Variants in PTK7 observed in about 807,000 individuals in gnomAD.
The protein encoded by PTK7 is inactive tyrosine-protein kinase 7.
In PTK7, 39 loss-of-function variants were observed where a neutral mutation model predicts 116.6. The ratio of observed to expected loss-of-function variants is 0.33; its 90% confidence interval spans 0.26 to 0.44. PTK7 has a LOEUF of 0.44. Among genes scored for constraint, PTK7 ranks in the 20% least tolerant of loss-of-function variants. The pLI is 1.00. For missense variants in PTK7, 1,169 were observed against 1,425.6 expected, an observed-to-expected ratio of 0.82 and a Z score of 2.90; for synonymous variants, 546 against 563.6, an observed-to-expected ratio of 0.97 and a Z score of 0.44.
intron 1 of PTK7, among the ~76,000 whole-genome samples, chr6:43,081,467 C>G (rs1177432398): frequency 2.0e-5 from 3 of 152,114 alleles, no homozygotes; most frequent in Non-Finnish European, 4.4e-5. Context: ...GGCATTGGCA[C>G]GATCTTGGTT....
intron 16 of PTK7, 27 bp from the exon 17 acceptor site, chr6:43,146,591 G>C (rs1770743765): frequency 5.6e-6 from 9 of 1,604,028 alleles, no homozygotes; most frequent in Middle Eastern, 1.7e-4. Context: ...GCACTGACCT[G>C]AGCGAGATGC....
intron 1 of PTK7, among the ~76,000 whole-genome samples, chr6:43,087,342 C>T (rs542677670): frequency 6.6e-6 from 1 of 152,284 alleles, no homozygotes; most frequent in South Asian, 2.1e-4. Context: ...GAAGAGTGGG[C>T]CGCAGAGTTT....
At position 43,129,419 on chromosome 6, in the gene PTK7, A is replaced by G; in HGVS notation, c.367+155A>G. Reference sequence around the variant, plus strand: ...AGCTTTTTTTGCTCATGTGGATAAGAGGAAATTAAAAGTTATATTTTTTCC... The same window carrying G: ...AGCTTTTTTTGCTCATGTGGATAAGGGGAAATTAAAAGTTATATTTTTTCC... On this transcript the variant is annotated intron_variant, in intron 2 of 19. Coordinates refer to ENST00000230419, the MANE Select transcript of PTK7 (RefSeq NM_002821.5). This position sits in a 1 kb window ranked among gnomAD's most constrained non-coding sequence, Gnocchi z 4.5. The G allele has an allele frequency of 1.9e-6, 2 of 1,074,282 alleles. No homozygotes were observed. The highest frequency in any genetic ancestry group is 1.3e-6 in the Non-Finnish European group (1 of 758,208). 66.5% of individuals were successfully genotyped at this position (1,074,282 alleles called of 1,614,324 possible).
intron 1 of PTK7, among the ~76,000 whole-genome samples, chr6:43,110,251 A>G (rs1023061167): frequency 1.3e-5 from 2 of 151,824 alleles, no homozygotes; most frequent in Non-Finnish European, 1.5e-5. Context: ...CAGCTTTCCA[A>G]AGTGCTGGGA....
chr6:43,106,245 A>C (rs921194124), intron 1 of PTK7, among the ~76,000 whole-genome samples: 1 of 151,910 alleles, frequency 6.6e-6, no homozygotes, highest in Admixed American at 6.6e-5. Context: ...GAGTTCTCTG[A>C]TCATGCCTGG....
intron 1 of PTK7, among the ~76,000 whole-genome samples, chr6:43,095,222 G>C (rs373897402): frequency 8.5e-6 from 1 of 117,248 alleles, no homozygotes; most frequent in Non-Finnish European, 1.7e-5. Context: ...AAAAAAAAAA[G>C]TTAGCCAGGT....
chr6:43,155,870 T>C (rs968877747), intron 17 of PTK7, among the ~76,000 whole-genome samples: 1 of 152,158 alleles, frequency 6.6e-6, no homozygotes, highest in Admixed American at 6.5e-5. Context: ...TGTACACTTA[T>C]AAAAGTGTTC....
chr6:43,146,611 C>G lies in PTK7; in HGVS notation c.2641-7C>G, dbSNP rs1274388485. 8 of 1,613,112 alleles carry G rather than the reference C, an allele frequency of 5.0e-6. No individual in the cohort carries two copies. The highest frequency in any genetic ancestry group is 1.3e-5 in the African/African-American group (1 of 74,862). ...GACCTGAGCGAGATGCCTGGCTTTTCCCTTAGGGAGACCTCAAGCAGTTCC... is the reference window on the plus strand; with the variant it reads ...GACCTGAGCGAGATGCCTGGCTTTTGCCTTAGGGAGACCTCAAGCAGTTCC... On this transcript the variant is annotated splice_region_variant and splice_polypyrimidine_tract_variant and intron_variant, in intron 16 of 19. Coordinates refer to ENST00000230419, the MANE Select transcript of PTK7 (RefSeq NM_002821.5).
rs191673988 is a variant in PTK7, at chr6:43,147,352, C to T, written c.2721+654C>T. On this transcript the variant is annotated intron_variant, in intron 17 of 19. Transcript: ENST00000230419. Reference sequence around the variant, plus strand: ...AAGCTTGCCTGCTACCCCCTGCCACCTCAGTCCATACCTTTCCAGTGCCTG... The same window carrying T: ...AAGCTTGCCTGCTACCCCCTGCCACTTCAGTCCATACCTTTCCAGTGCCTG... Among the ~76,000 whole-genome samples, 280 of 152,348 alleles carry T rather than the reference C, an allele frequency of 1.8e-3. 1 individual carries two copies. The highest frequency in any genetic ancestry group is 6.4e-3 in the African/African-American group (268 of 41,564).
chr6:43,115,947 A>AAAAGG lies in PTK7; in HGVS notation c.80-13030_80-13029insAAAGG, dbSNP rs577047547. ...CATCTCAAAAAAAAAAAAAAAAAAA[A>AAAAGG]GGCAGTGGGCCCTGTGCAAAATCCT... On this transcript the variant is annotated intron_variant, in intron 1 of 19. Transcript: ENST00000230419. 1.7e-3 allele frequency among the ~76,000 whole-genome samples: 217 copies of AAAAGG among 128,388 alleles called. 8 individuals carry two copies. The highest frequency in any genetic ancestry group is 3.4e-3 in the African/African-American group (108 of 31,996). 84.2% of individuals were successfully genotyped at this position (128,388 alleles called of 152,430 possible).
At chr6:43,121,056 GTTTTTTTTTTT>G (rs564738874) in intron 1 of PTK7, among the ~76,000 whole-genome samples, 3 of 119,724 alleles carry the variant, frequency 2.5e-5, no homozygotes, top group Non-Finnish European at 5.2e-5. Flanking sequence ...CCATGTTTCT[GTTTTTTTTTTT>G]TTTTTTTTTG....
chr6:43,116,510 T>G (rs1419481143), intron 1 of PTK7, among the ~76,000 whole-genome samples: 2 of 152,144 alleles, frequency 1.3e-5, no homozygotes, highest in African/African-American at 4.8e-5. Context: ...ATGAGACTGA[T>G]TCTTTCTCTT....
At chr6:43,102,199 C>T (rs773115936) in intron 1 of PTK7, among the ~76,000 whole-genome samples, 1 of 152,016 alleles carries the variant, frequency 6.6e-6, no homozygotes, top group African/African-American at 2.4e-5. Flanking sequence ...CCGAGGTGGG[C>T]GGATCACCTG....
rs1770368820 is a variant in PTK7, at chr6:43,141,023, A to ACCAG, written c.1619-641_1619-638dup. 6.6e-6 allele frequency among the ~76,000 whole-genome samples: 1 copy of ACCAG among 152,050 alleles called. No homozygotes were observed. Among genetic ancestry groups the ACCAG allele is most frequent in the Non-Finnish European group, 1.5e-5 (1 of 68,012 alleles). On this transcript the variant is annotated intron_variant, in intron 10 of 19. Transcript: ENST00000230419. The surrounding 1 kb of genome is among the most constrained non-coding windows in gnomAD (Gnocchi z 4.9). ...TAAATGTTGGAGATTTGGGTTGTTA[A>ACCAG]CCAGCCACCCACCCACCCCCTTTTT...
intron 1 of PTK7, among the ~76,000 whole-genome samples, chr6:43,093,532 C>T (rs1178547648): frequency 6.6e-6 from 1 of 152,002 alleles, no homozygotes; most frequent in African/African-American, 2.4e-5. Context: ...GGATGGAGAC[C>T]TGGGTCAGGC....
At chr6:43,157,359 TA>T (rs1408346456) in intron 17 of PTK7, among the ~76,000 whole-genome samples, 1,179 of 8,338 alleles carry the variant, frequency 0.14, 179 homozygotes, top group Non-Finnish European at 0.21. Flanking sequence ...TATATATATA[TA>T]TATATTTTTT....
At chr6:43,136,222 C>G (rs564226089) in intron 7 of PTK7, among the ~76,000 whole-genome samples, 79 of 151,616 alleles carry the variant, frequency 5.2e-4, no homozygotes, top group African/African-American at 1.8e-3. Context: ...GTAATCCCAG[C>G]TACTTGGGAG....
chr6:43,159,082 C>T, intron 18 of PTK7, 114 bp downstream of exon 18: 2 of 1,338,806 alleles, frequency 1.5e-6, no homozygotes, highest in Non-Finnish European at 2.0e-6. Context: ...TAGTCCAAAG[C>T]TGGAGGGCCT....
chr6:43,136,816 C>G (rs1462824212), intron 7 of PTK7, among the ~76,000 whole-genome samples: 1 of 152,032 alleles, frequency 6.6e-6, no homozygotes, highest in African/African-American at 2.4e-5. Flanking sequence ...GCCTGGACCA[C>G]ATGGCCAGAC....
Sources: gnomAD v4.1 joint callset for allele counts (sites outside exome capture counted in the v4.1 genomes callset) on GRCh38, gnomAD v4.1.1 for gene constraint, Gnocchi (gnomAD v3.1) non-coding constraint, MANE v1.5 for transcripts, NCBI Gene and HGNC (gene_info 2026-07-23, HGNC 2026-07-21) for gene names.